GOLGA4: variants seen among roughly 807,000 people sequenced by gnomAD.
GOLGA4 encodes the protein golgin A4, also known as golgin subfamily A member 4.
In GOLGA4, 169 loss-of-function variants were observed where a neutral mutation model predicts 265.9. The observed-to-expected ratio is 0.64, with a 90% CI of 0.56 to 0.72. The LOEUF is 0.72. Among genes scored for constraint, GOLGA4 ranks in the 30% least tolerant of loss-of-function variants. The probability of loss-of-function intolerance (pLI) is 0.00; values close to 1 mark genes in which losing one functional copy is unlikely to be tolerated. For synonymous variants in GOLGA4, 923 were observed against 855.8 expected (o/e 1.08, Z -1.37); for missense variants, 2,482 against 2,483.4 (o/e 1.00, Z 0.01).
At chr3:37,256,128 C>T (rs1411017507) in intron 2 of GOLGA4, among the ~76,000 whole-genome samples, 1 of 152,116 alleles carries the variant, frequency 6.6e-6, no homozygotes, top group African/African-American at 2.4e-5. Context: ...CTTTTTCACA[C>T]TGCTCTACTG....
At chr3:37,315,639 G>T in intron 11 of GOLGA4, 41 bp downstream of exon 11, 3 of 1,493,818 alleles carry the variant, frequency 2.0e-6, no homozygotes, top group South Asian at 2.3e-5. Flanking sequence ...CAACAAATTT[G>T]AAATTTAAGT....
intron 2 of GOLGA4, among the ~76,000 whole-genome samples, chr3:37,265,486 GGTCA>G (rs1186741174): frequency 6.6e-6 from 1 of 151,904 alleles, no homozygotes; most frequent in Non-Finnish European, 1.5e-5. Flanking sequence ...TGTAAAAATG[GGTCA>G]GTATTTATAA....
At position 37,321,898 on chromosome 3, in the gene GOLGA4, T is replaced by G. The variant is rs376396373; in HGVS notation, c.1701+12T>G. Reference sequence around the variant, plus strand: ...AGACTTACAGAACTGTAAGTTTTAATAATATTCAGATTCTGGAGTTGTGAA... The same window carrying G: ...AGACTTACAGAACTGTAAGTTTTAAGAATATTCAGATTCTGGAGTTGTGAA... On this transcript the variant is annotated intron_variant, in intron 13 of 23. Coordinates refer to ENST00000361924, the MANE Select transcript of GOLGA4 (RefSeq NM_002078.5). 7 of 1,581,122 alleles carry G rather than the reference T, an allele frequency of 4.4e-6. No individual in the cohort carries two copies. The highest frequency in any genetic ancestry group is 5.1e-6 in the Non-Finnish European group (6 of 1,166,528).
At chr3:37,334,979 C>T (rs1293004067) in intron 16 of GOLGA4, 74 bp from the exon 17 acceptor site, 12 of 876,810 alleles carry the variant, frequency 1.4e-5, no homozygotes, top group Non-Finnish European at 2.1e-5. Flanking sequence ...CTCCAGAGTG[C>T]TTTTTTGATG....
rs1336469564 is a variant in GOLGA4 at position 37,327,278 on chromosome 3, C to G, written c.5392C>G (p.Gln1798Glu). The change falls in exon 14 of 24, where the codon CAA (glutamine) becomes GAA (glutamate). Residue 1798 changes from glutamine (Q) to glutamate (E), a missense_variant. This residue lies in a region of GOLGA4 where 942 missense variants were observed against 983.1 expected (regional missense o/e 0.96). Coordinates refer to ENST00000361924, the MANE Select transcript of GOLGA4 (RefSeq NM_002078.5). ...HEDQSMIGHL[Q>E]EELEEKNKKY... is the part of the protein sequence containing the mutation. The stretch of plus-strand genomic sequence containing the variant: ...AGATCAAAGTATGATAGGTCATCTT[C>G]AAGAGGAGCTTGAAGAAAAAAACAA... 3 of 1,613,456 alleles carry G rather than the reference C, an allele frequency of 1.9e-6. No individual in the cohort carries two copies. In the South Asian group the frequency reaches 3.3e-5, roughly 18 times the overall value.
chr3:37,352,338 G>A (rs1412472467), intron 21 of GOLGA4, among the ~76,000 whole-genome samples: 2 of 151,988 alleles, frequency 1.3e-5, no homozygotes, highest in Non-Finnish European at 2.9e-5. Context: ...GAAGTGCCCA[G>A]CAAAAGGGAG....
At chr3:37,285,282 T>C (rs2096845478) in intron 3 of GOLGA4, among the ~76,000 whole-genome samples, 1 of 151,838 alleles carries the variant, frequency 6.6e-6, no homozygotes, top group African/African-American at 2.4e-5. Flanking sequence ...ATTACAGGCA[T>C]GAGCCACTGC....
At chr3:37,303,715 A>C (rs1006949994) in intron 10 of GOLGA4, among the ~76,000 whole-genome samples, 4 of 152,222 alleles carry the variant, frequency 2.6e-5, no homozygotes, top group Non-Finnish European at 5.9e-5. Flanking sequence ...ATTAAGTTTT[A>C]CAGTAGTAGT....
Position 37,323,950 on chromosome 3 carries a change from A to G in GOLGA4, c.2064A>G (p.Ser688=). The G allele has an allele frequency of 1.9e-6, 3 of 1,613,530 alleles. 1 individual carries two copies. Among genetic ancestry groups the G allele is most frequent in the Middle Eastern group, 3.3e-4 (2 of 6,060 alleles). The stretch of plus-strand genomic sequence containing the variant: ...ATGTGAAGCAAACAGAACTAGAATC[A>G]TTATCTTCTGAACTGTCAGAAGTAT... The part of the protein sequence containing the change: ...KLDVKQTELE[S]LSSELSEVLK... The change falls in exon 14 of 24, where the codon TCA becomes TCG. Residue 688 remains serine, a synonymous_variant. Coordinates refer to ENST00000361924, the MANE Select transcript of GOLGA4 (RefSeq NM_002078.5).
intron 11 of GOLGA4, among the ~76,000 whole-genome samples, chr3:37,318,179 T>C (rs1283388036): frequency 3.9e-5 from 6 of 152,126 alleles, no homozygotes; most frequent in African/African-American, 1.4e-4. Flanking sequence ...AAATCATTTA[T>C]TTAGTAATCC....
At chr3:37,276,438 A>G (rs1244446563) in intron 2 of GOLGA4, 3 of 1,609,488 alleles carry the variant, frequency 1.9e-6, no homozygotes, top group Non-Finnish European at 2.6e-6. Context: ...AGAGAGCATC[A>G]GATGGCCAAG....
At chr3:37,296,567 T>C (rs966439613) in intron 7 of GOLGA4, among the ~76,000 whole-genome samples, 3 of 152,140 alleles carry the variant, frequency 2.0e-5, no homozygotes, top group African/African-American at 7.2e-5. Context: ...AAAATAAGTG[T>C]TTTTTGTTTG....
At chr3:37,344,857 A>T (rs1227473373) in intron 20 of GOLGA4, among the ~76,000 whole-genome samples, 1 of 152,204 alleles carries the variant, frequency 6.6e-6, no homozygotes, top group Non-Finnish European at 1.5e-5. Context: ...TTTATATGGT[A>T]TTGATTCTCC....
intron 2 of GOLGA4, among the ~76,000 whole-genome samples, chr3:37,257,875 G>T (rs2150634371): frequency 7.3e-6 from 1 of 136,668 alleles, no homozygotes; most frequent in South Asian, 2.3e-4. Flanking sequence ...CCAGAATTAG[G>T]TGTGTTTTCA....
Position 37,282,210 on chromosome 3 carries a change from T to A in GOLGA4, c.415T>A (p.Leu139Met), listed in dbSNP as rs781411369. 3 of 1,614,184 alleles carry A rather than the reference T, an allele frequency of 1.9e-6. No homozygotes were observed. The South Asian group carries it at 3.3e-5, about 18-fold the overall frequency. The change falls in exon 3 of 24, where the codon TTG becomes ATG. Residue 139 changes from leucine (L) to methionine (M), a missense_variant. Around this residue, in one of 3 missense-constraint regions of GOLGA4, gnomAD observed 1,536 missense variants for 1,483.7 expected, o/e 1.04. Transcript: ENST00000361924. The part of the protein sequence containing the change: ...GNSDSLNKEQ[L>M]IQRLRRMERS... ...TTCAGACAGTCTCAACAAAGAACAG[T>A]TGATTCAGCGGTTGCGAAGAATGGA...
At chr3:37,313,511 C>G (rs1045196707) in intron 10 of GOLGA4, 3 of 152,110 alleles carry the variant, frequency 2.0e-5, no homozygotes, top group African/African-American at 7.2e-5. Flanking sequence ...CTGGGACATA[C>G]GTTTCTTGGT....
chr3:37,247,962 A>G (rs2096723948), intron 1 of GOLGA4, among the ~76,000 whole-genome samples: 1 of 152,220 alleles, frequency 6.6e-6, no homozygotes, highest in African/African-American at 2.4e-5. Context: ...AGACCCATCC[A>G]GGTAATCTTT....
intron 4 of GOLGA4, among the ~76,000 whole-genome samples, chr3:37,287,233 C>T (rs189002715): frequency 1.2e-4 from 18 of 152,160 alleles, no homozygotes; most frequent in East Asian, 7.7e-4. Context: ...CCCAGCTACT[C>T]GGGAGGCTGA....
intron 2 of GOLGA4, among the ~76,000 whole-genome samples, chr3:37,279,495 G>A (rs1037324556): frequency 2.0e-5 from 3 of 152,208 alleles, no homozygotes; most frequent in Non-Finnish European, 4.4e-5. Context: ...GCCAGATGGC[G>A]CCAAGGGCAG....
Sources: gnomAD v4.1 joint callset for allele counts (sites outside exome capture counted in the v4.1 genomes callset) on GRCh38, gnomAD v4.1.1 for gene constraint, gnomAD v4.1.1 regional missense constraint, MANE v1.5 for transcripts, NCBI Gene and HGNC (gene_info 2026-07-23, HGNC 2026-07-21) for gene names.